PMS1: variants seen among roughly 807,000 people sequenced by gnomAD.
The protein encoded by PMS1 is PMS1 protein homolog 1.
Under a neutral mutation model 93.1 loss-of-function variants are expected in PMS1, and 79 were observed. The observed-to-expected ratio is 0.85, with a 90% CI of 0.71 to 1.02. The LOEUF (loss-of-function observed/expected upper bound fraction) is 1.02. Ranked by LOEUF, PMS1 falls within the 50% of genes least tolerant of loss-of-function variation. The probability of loss-of-function intolerance (pLI) is 0.00; values close to 1 mark genes in which losing one functional copy is unlikely to be tolerated. For synonymous variants in PMS1, 335 were observed against 363.4 expected (o/e 0.92, Z 0.89); for missense variants, 1,064 against 1,085.3 (o/e 0.98, Z 0.28).
chr2:189,807,526 A>C (rs2050455448), intron 4 of PMS1, among the ~76,000 whole-genome samples: 2 of 152,224 alleles, frequency 1.3e-5, no homozygotes, highest in Non-Finnish European at 1.5e-5. Context: ...TAGTCGCCTT[A>C]TAAAACTTAA....
chr2:189,847,816 T>C (rs1438979986), intron 6 of PMS1, among the ~76,000 whole-genome samples: 1 of 152,186 alleles, frequency 6.6e-6, no homozygotes, highest in African/African-American at 2.4e-5. Context: ...TTTTCTTCTC[T>C]TCCATTTTTT....
chr2:189,804,849 C>T (rs1429415793), intron 3 of PMS1, among the ~76,000 whole-genome samples: 1 of 152,110 alleles, frequency 6.6e-6, no homozygotes, highest in Non-Finnish European at 1.5e-5. Flanking sequence ...AGGAGGCTAC[C>T]TTCTTCCCAA....
intron 5 of PMS1, among the ~76,000 whole-genome samples, chr2:189,824,788 AT>A (rs1575155231): frequency 1.3e-5 from 2 of 152,120 alleles, no homozygotes; most frequent in African/African-American, 2.4e-5. Flanking sequence ...CTCATAGTAG[AT>A]TTTTTTATTT....
intron 4 of PMS1, 155 bp downstream of exon 4, chr2:189,805,909 T>A: frequency 6.6e-7 from 1 of 1,526,002 alleles, no homozygotes; most frequent in Non-Finnish European, 8.8e-7. Flanking sequence ...CAGCCTTTAT[T>A]CTAGCCACCA....
chr2:189,843,889 G>A (rs1272391517), intron 5 of PMS1, 75 bp from the exon 6 acceptor site: 1 of 1,302,906 alleles, frequency 7.7e-7, no homozygotes, highest in Admixed American at 1.7e-5. Flanking sequence ...CAAAATATAG[G>A]AATAAAATAC....
intron 9 of PMS1, among the ~76,000 whole-genome samples, chr2:189,858,703 G>C (rs990051411): frequency 1.3e-5 from 2 of 152,108 alleles, no homozygotes; most frequent in Non-Finnish European, 2.9e-5. Flanking sequence ...CCTGTTGAAA[G>C]TAAACTATTG....
intron 5 of PMS1, among the ~76,000 whole-genome samples, chr2:189,824,417 TGAA>T (rs1316112788): frequency 6.6e-6 from 1 of 152,070 alleles, no homozygotes; most frequent in African/African-American, 2.4e-5. Flanking sequence ...TTTTTAAAGT[TGAA>T]GAATTAAATA....
chr2:189,791,124 A>AT (rs960360587), intron 1 of PMS1, among the ~76,000 whole-genome samples: 2 of 151,268 alleles, frequency 1.3e-5, no homozygotes, highest in Non-Finnish European at 2.9e-5. Context: ...TTTTGAACCC[A>AT]TTTTTGGTTA....
At chr2:189,867,704 T>G (rs1296395570) in intron 10 of PMS1, 95 bp from the exon 11 acceptor site, 3 of 834,354 alleles carry the variant, frequency 3.6e-6, no homozygotes, top group Non-Finnish European at 6.0e-6. Flanking sequence ...TTAATGATGA[T>G]AACACTTGTC....
intron 2 of PMS1, among the ~76,000 whole-genome samples, 180 bp from the exon 3 acceptor site, chr2:189,795,589 G>A (rs1332155776): frequency 6.6e-6 from 1 of 152,228 alleles, no homozygotes; most frequent in Non-Finnish European, 1.5e-5. Flanking sequence ...AAACAAGGGA[G>A]TTGCCTGTTG....
At chr2:189,836,198 T>A (rs2053373361) in intron 5 of PMS1, among the ~76,000 whole-genome samples, 1 of 152,252 alleles carries the variant, frequency 6.6e-6, no homozygotes, top group Admixed American at 6.5e-5. Flanking sequence ...AGTATTCTCA[T>A]CTAACTTCAT....
In PMS1 at chr2:189,822,925, A is replaced by T. The variant is rs149520331; in HGVS notation, c.582+4745A>T. 3.6e-3 allele frequency among the ~76,000 whole-genome samples: 550 copies of T among 152,312 alleles called. 3 individuals carry two copies. The highest frequency in any genetic ancestry group is 4.7e-3 in the Non-Finnish European group (321 of 68,024). On this transcript the variant is annotated intron_variant, in intron 5 of 12. Transcript: ENST00000441310. The stretch of plus-strand genomic sequence containing the variant: ...TAGAGTTAAAATATTTTGTTGCTGC[A>T]GCAGAGTGACCTCCATAAATAGTAG...
At chr2:189,793,318 A>C (rs949909158) in intron 2 of PMS1, among the ~76,000 whole-genome samples, 1 of 152,232 alleles carries the variant, frequency 6.6e-6, no homozygotes, top group Non-Finnish European at 1.5e-5. Flanking sequence ...TCTTACTCAT[A>C]CAACTTCATA....
At chr2:189,810,166 G>T (rs1167412083) in intron 4 of PMS1, among the ~76,000 whole-genome samples, 1 of 152,172 alleles carries the variant, frequency 6.6e-6, no homozygotes, top group Non-Finnish European at 1.5e-5. Context: ...GTTTGAGTTT[G>T]AAGATGGTAG....
At chr2:189,792,719 A>G (rs1302279913) in intron 2 of PMS1, among the ~76,000 whole-genome samples, 2 of 144,074 alleles carry the variant, frequency 1.4e-5, no homozygotes, top group African/African-American at 2.5e-5. Context: ...ATATATATAT[A>G]TGTAAAATAA....
intron 6 of PMS1, among the ~76,000 whole-genome samples, chr2:189,850,708 G>C (rs545917586): frequency 1.8e-4 from 28 of 152,294 alleles, no homozygotes; most frequent in African/African-American, 6.7e-4. Context: ...GGAGGCATTA[G>C]AGAGGAAGCA....
chr2:189,848,453 C>T (rs1020109328), intron 6 of PMS1, among the ~76,000 whole-genome samples: 1 of 152,174 alleles, frequency 6.6e-6, no homozygotes, highest in Non-Finnish European at 1.5e-5. Flanking sequence ...GAGACTATTG[C>T]ATGAATCAGT....
rs1330335226 is a variant in PMS1, at chr2:189,853,922, A to T, written c.823-17A>T. ...TTACATATTATTTTTTCTTTTATTT[A>T]TTACATGTATTTCTAGTTAATCCGA... On this transcript the variant is annotated splice_polypyrimidine_tract_variant and intron_variant, in intron 7 of 12. Transcript: ENST00000441310. 6.9e-7 allele frequency: 1 copy of T among 1,456,258 alleles called. No individual in the cohort carries two copies. Among genetic ancestry groups the T allele is most frequent in the Non-Finnish European group, 9.5e-7 (1 of 1,050,252 alleles). The allele number at this position is 1,456,258 out of a possible 1,614,324, so 90.2% of individuals were successfully genotyped here.
chr2:189,837,429 A>G (rs748107458), intron 5 of PMS1, among the ~76,000 whole-genome samples: 5 of 152,194 alleles, frequency 3.3e-5, no homozygotes, highest in Admixed American at 6.5e-5. Flanking sequence ...GTCATAAGGA[A>G]CTTCTGATGT....
Sources: allele counts gnomAD v4.1 joint callset (sites outside exome capture counted in the v4.1 genomes callset), GRCh38; gene constraint gnomAD v4.1.1; transcripts MANE v1.5; gene names NCBI Gene and HGNC (gene_info 2026-07-23, HGNC 2026-07-21).